ABLIM3: variants seen among roughly 807,000 people sequenced by gnomAD.
ABLIM3 encodes actin binding LIM protein family member 3.
A neutral mutation model predicts 109.5 loss-of-function variants in ABLIM3; 61 were observed. The observed-to-expected ratio is 0.56, with a 90% CI of 0.45 to 0.69. The LOEUF is 0.69. Ranked by LOEUF, ABLIM3 falls within the 30% of genes least tolerant of loss-of-function variation. The probability of loss-of-function intolerance (pLI) is 0.00; values close to 1 mark genes in which losing one functional copy is unlikely to be tolerated. For synonymous variants in ABLIM3, 300 were observed against 324.8 expected (o/e 0.92, Z 0.82); for missense variants, 796 against 889.5 (o/e 0.89, Z 1.34).
intron 8 of ABLIM3, chr5:149,218,219 AG>A (rs776880335): frequency 6.6e-6 from 1 of 152,318 alleles, no homozygotes; most frequent in Non-Finnish European, 1.5e-5. Flanking sequence ...TCCATGACCA[AG>A]GGTCCAATAG....
intron 2 of ABLIM3, among the ~76,000 whole-genome samples, chr5:149,155,772 A>G (rs745678350): frequency 1.3e-5 from 2 of 152,216 alleles, no homozygotes; most frequent in Non-Finnish European, 2.9e-5. Flanking sequence ...TCCAGTTTGT[A>G]TACGCTAGAG....
intron 2 of ABLIM3, among the ~76,000 whole-genome samples, chr5:149,179,127 T>A (rs1756237118): frequency 6.6e-6 from 1 of 152,212 alleles, no homozygotes; most frequent in Non-Finnish European, 1.5e-5. Context: ...TATGTTGTTT[T>A]GCTCCAACAA....
chr5:149,193,759 G>A lies in ABLIM3; in HGVS notation c.152-4460G>A, dbSNP rs114394440. Reference sequence around the variant, plus strand: ...ATCTTGGATTAAGGACAGATAAAAAGACCAATGGAACTGAATATAGAACCA... The same window carrying A: ...ATCTTGGATTAAGGACAGATAAAAAAACCAATGGAACTGAATATAGAACCA... On this transcript the variant is annotated intron_variant, in intron 3 of 23. Coordinates refer to ENST00000309868, the MANE Select transcript of ABLIM3 (RefSeq NM_014945.5). 5.1e-3 allele frequency among the ~76,000 whole-genome samples: 774 copies of A among 152,238 alleles called. 14 individuals carry two copies. Among genetic ancestry groups the A allele is most frequent in the African/African-American group, 0.018 (740 of 41,554 alleles).
chr5:149,210,934 C>T lies in ABLIM3; in HGVS notation c.669+115C>T, dbSNP rs1172932931. The T allele has an allele frequency of 4.3e-6, 4 of 939,920 alleles. No individual in the cohort carries two copies. In the Admixed American group the frequency reaches 7.3e-5, roughly 17 times the overall value. 58.2% of individuals were successfully genotyped at this position (939,920 alleles called of 1,614,324 possible). ...CCTTTTTTTCCATAGCCTTTACCTC[C>T]TCCACCTTTGCTTGCTACATGACCT... On this transcript the variant is annotated intron_variant, in intron 7 of 23. Coordinates refer to ENST00000309868, the MANE Select transcript of ABLIM3 (RefSeq NM_014945.5).
chr5:149,193,865 A>G (rs774112461), intron 3 of ABLIM3, among the ~76,000 whole-genome samples: 3 of 152,198 alleles, frequency 2.0e-5, no homozygotes, highest in Non-Finnish European at 2.9e-5. Context: ...AATGATGCTG[A>G]GATGATTAAT....
chr5:149,228,297 A>G (rs901374650), intron 8 of ABLIM3, among the ~76,000 whole-genome samples: 1 of 152,198 alleles, frequency 6.6e-6, no homozygotes, highest in Non-Finnish European at 1.5e-5. Context: ...AGCTTTCACC[A>G]TTCTGTTAAG....
At position 149,250,350 on chromosome 5, in the gene ABLIM3, G is replaced by T; in HGVS notation, c.1730-97G>T. 7 of 1,268,098 alleles carry T rather than the reference G, an allele frequency of 5.5e-6. No individual in the cohort carries two copies. The East Asian group carries it at 7.1e-5, about 13-fold the overall frequency. The allele number at this position is 1,268,098 out of a possible 1,614,324, so 78.6% of individuals were successfully genotyped here. Reference sequence around the variant, plus strand: ...TCTGGCCTCCACCCCTTCCTGCTAGGTTGGGAGCAGTGTTGGCCATTGGTA... The same window carrying T: ...TCTGGCCTCCACCCCTTCCTGCTAGTTTGGGAGCAGTGTTGGCCATTGGTA... On this transcript the variant is annotated intron_variant, in intron 19 of 23. Coordinates refer to ENST00000309868, the MANE Select transcript of ABLIM3 (RefSeq NM_014945.5).
intron 10 of ABLIM3, among the ~76,000 whole-genome samples, chr5:149,235,518 C>T (rs946321737): frequency 2.6e-5 from 4 of 152,110 alleles, no homozygotes; most frequent in African/African-American, 9.7e-5. Flanking sequence ...AGACCTGAGG[C>T]TCATTTATAG....
rs753323555 is a variant in ABLIM3 at position 149,198,211 on chromosome 5, TC to T, written c.152-4del. ...AACCTGCCCTTGTTTTCCTCCTTGTTCCCCAAGTATGTGGCTGTGGCCTGGC... is the reference window on the plus strand; with the variant it reads ...AACCTGCCCTTGTTTTCCTCCTTGTTCCCAAGTATGTGGCTGTGGCCTGGC... On this transcript the variant is annotated splice_polypyrimidine_tract_variant and splice_region_variant and intron_variant, in intron 3 of 23. Transcript: ENST00000309868. The surrounding 1 kb of genome is among the most constrained non-coding windows in gnomAD (Gnocchi z 4.2). 6.2e-6 allele frequency: 10 copies of T among 1,606,746 alleles called. No homozygotes were observed. In the South Asian group the frequency reaches 6.7e-5, roughly 11 times the overall value.
At chr5:149,145,979 T>C (rs1417105801) in intron 2 of ABLIM3, among the ~76,000 whole-genome samples, 2 of 152,094 alleles carry the variant, frequency 1.3e-5, no homozygotes, top group African/African-American at 2.4e-5. Context: ...TTGGTAGATA[T>C]GGGGTTTTGC....
chr5:149,196,398 A>C (rs564160627), intron 3 of ABLIM3, among the ~76,000 whole-genome samples: 1 of 152,174 alleles, frequency 6.6e-6, no homozygotes, highest in African/African-American at 2.4e-5. Flanking sequence ...TAACTATCTT[A>C]TTGGTTTTCC....
intron 11 of ABLIM3, among the ~76,000 whole-genome samples, chr5:149,238,171 A>G (rs1270327370): frequency 2.0e-5 from 3 of 152,186 alleles, no homozygotes; most frequent in Non-Finnish European, 4.4e-5. Context: ...AAATCATTAA[A>G]TGGTTGCTAA....
chr5:149,246,462 T>C lies in ABLIM3; in HGVS notation c.1487-20T>C. The C allele has an allele frequency of 6.2e-7, 1 of 1,613,756 alleles. No individual in the cohort carries two copies. Among genetic ancestry groups the C allele is most frequent in the Non-Finnish European group, 8.5e-7 (1 of 1,179,904 alleles). On this transcript the variant is annotated intron_variant, in intron 16 of 23. Coordinates refer to ENST00000309868, the MANE Select transcript of ABLIM3 (RefSeq NM_014945.5). The stretch of plus-strand genomic sequence containing the variant: ...AGTGGGGTGCACATGCCGGAGCTGA[T>C]CTTTTCTGTCTTTTGACAGTGCCCC...
At chr5:149,168,512 T>C (rs1222116782) in intron 2 of ABLIM3, among the ~76,000 whole-genome samples, 2 of 152,176 alleles carry the variant, frequency 1.3e-5, no homozygotes, top group Non-Finnish European at 2.9e-5. Context: ...CCTGTGTTGT[T>C]CATCTCTGCC....
chr5:149,186,884 A>C (rs1029197783), intron 3 of ABLIM3, among the ~76,000 whole-genome samples: 1 of 152,178 alleles, frequency 6.6e-6, no homozygotes, highest in Non-Finnish European at 1.5e-5. Context: ...GCAATAGTGC[A>C]GAAGATTTGA....
At chr5:149,152,835 C>T (rs1361906315) in intron 2 of ABLIM3, among the ~76,000 whole-genome samples, 1 of 152,074 alleles carries the variant, frequency 6.6e-6, no homozygotes, top group Non-Finnish European at 1.5e-5. Flanking sequence ...ACAATGATTG[C>T]ATGTGGCTAC....
At chr5:149,221,633 T>A (rs1334236280) in intron 8 of ABLIM3, among the ~76,000 whole-genome samples, 1 of 152,224 alleles carries the variant, frequency 6.6e-6, no homozygotes, top group Non-Finnish European at 1.5e-5. Context: ...ATGCCAAATA[T>A]CTAATCTGTT....
At chr5:149,220,118 A>T (rs2963499) in intron 8 of ABLIM3, 75,732 of 151,932 alleles carry the variant, frequency 0.5, 19,527 homozygotes, top group East Asian at 0.63. Flanking sequence ...TCCCATTTCA[A>T]TCATTCATTT....
intron 20 of ABLIM3, 50 bp downstream of exon 20, chr5:149,250,555 A>G (rs1271627727): frequency 6.2e-7 from 1 of 1,603,270 alleles, no homozygotes; most frequent in Non-Finnish European, 8.5e-7. Flanking sequence ...CCAAAATGCT[A>G]ATAAACCCAA....
Sources: gnomAD v4.1 joint callset for allele counts (sites outside exome capture counted in the v4.1 genomes callset) on GRCh38, gnomAD v4.1.1 for gene constraint, Gnocchi (gnomAD v3.1) non-coding constraint, MANE v1.5 for transcripts, NCBI Gene and HGNC (gene_info 2026-07-23, HGNC 2026-07-21) for gene names.